The following HHAT variants were observed in gnomAD, a reference collection of about 807,000 sequenced individuals.
HHAT encodes the protein hedgehog acyltransferase.
A neutral mutation model predicts 70.8 loss-of-function variants in HHAT; 47 were observed. That is an observed-to-expected ratio of 0.66 (90% CI 0.53 to 0.85). The LOEUF (loss-of-function observed/expected upper bound fraction) is 0.85. Among genes scored for constraint, HHAT ranks in the 40% least tolerant of loss-of-function variants. The probability of loss-of-function intolerance (pLI) is 0.00; values close to 1 mark genes in which losing one functional copy is unlikely to be tolerated. For missense variants in HHAT, 609 were observed against 604.8 expected, an observed-to-expected ratio of 1.01 and a Z score of -0.07; for synonymous variants, 228 against 247.6, an observed-to-expected ratio of 0.92 and a Z score of 0.74.
rs2148992693 is a variant in HHAT, at chr1:210,674,406, T to C, written c.*27T>C. 2.5e-6 allele frequency: 4 copies of C among 1,578,424 alleles called. No homozygotes were observed. The highest frequency in any genetic ancestry group is 2.6e-6 in the Non-Finnish European group (3 of 1,147,920). ...GCTGTTGGGCCCAGGCCAGTCCTTG[T>C]TGCTGGCCTCCAAGGCAAATAGTGC... On this transcript the variant is annotated 3_prime_UTR_variant, in exon 12 of 12. Coordinates refer to ENST00000261458, the MANE Select transcript of HHAT (RefSeq NM_018194.6).
chr1:210,555,651 T>C (rs1189196226), intron 9 of HHAT, among the ~76,000 whole-genome samples: 1 of 152,232 alleles, frequency 6.6e-6, no homozygotes, highest in Admixed American at 6.5e-5. Flanking sequence ...CCCTCATAAC[T>C]GTTAGATAAC....
At chr1:210,450,998 A>G (rs2093743808) in intron 7 of HHAT, among the ~76,000 whole-genome samples, 1 of 151,304 alleles carries the variant, frequency 6.6e-6, no homozygotes, top group Non-Finnish European at 1.5e-5. Flanking sequence ...GAGGCAGGAG[A>G]ATGGTGTGAA....
intron 9 of HHAT, among the ~76,000 whole-genome samples, chr1:210,534,833 C>A (rs1378348194): frequency 6.6e-6 from 1 of 152,096 alleles, no homozygotes; most frequent in Non-Finnish European, 1.5e-5. Flanking sequence ...AGAGAAAGGT[C>A]AAATATATAG....
intron 6 of HHAT, among the ~76,000 whole-genome samples, chr1:210,413,281 G>T (rs932475009): frequency 4.6e-5 from 7 of 152,118 alleles, no homozygotes; most frequent in African/African-American, 1.7e-4. Context: ...TAGTTTTCAT[G>T]ACTGAATTCT....
chr1:210,416,877 C>T lies in HHAT; in HGVS notation c.685-1277C>T, dbSNP rs770337673. Among the ~76,000 whole-genome samples the T allele has an allele frequency of 2.6e-5, 4 of 152,162 alleles. No individual in the cohort carries two copies. In the East Asian group the frequency reaches 7.7e-4, roughly 29 times the overall value. On this transcript the variant is annotated intron_variant, in intron 6 of 11. Coordinates refer to ENST00000261458, the MANE Select transcript of HHAT (RefSeq NM_018194.6). ...TGCCTAAGTACTTCACATACTTCAT[C>T]ATATTTAATCACCACAACAATGTTT...
chr1:210,444,580 T>C (rs1424095055), intron 7 of HHAT, among the ~76,000 whole-genome samples: 1 of 150,932 alleles, frequency 6.6e-6, no homozygotes, highest in Non-Finnish European at 1.5e-5. Context: ...CTTGGGAGAG[T>C]GTATGTGTCC....
chr1:210,404,480 CAG>C lies in HHAT; in HGVS notation c.487_488del (p.Glu163LysfsTer72). On this transcript the variant is annotated frameshift_variant, in exon 6 of 12. Coordinates refer to ENST00000261458, the MANE Select transcript of HHAT (RefSeq NM_018194.6). LOFTEE classifies it high-confidence loss of function. ...ATTTTGTAGAGAAGGTGGTACAAGA[CAG>C]AAAACGAGTACTACCTGCTGCAGTT... The C allele has an allele frequency of 6.2e-7, 1 of 1,611,992 alleles. No homozygotes were observed. The highest frequency in any genetic ancestry group is 8.5e-7 in the Non-Finnish European group (1 of 1,179,462).
intron 7 of HHAT, among the ~76,000 whole-genome samples, chr1:210,442,380 T>C (rs1332152294): frequency 1.4e-5 from 2 of 143,502 alleles, no homozygotes; most frequent in East Asian, 4.0e-4. Flanking sequence ...ATGGGATGGC[T>C]GGGTCAAATG....
chr1:210,635,919 T>C (rs544977564), intron 11 of HHAT, among the ~76,000 whole-genome samples: 1 of 140,868 alleles, frequency 7.1e-6, no homozygotes, highest in East Asian at 2.2e-4. Context: ...CTAAGTTCGT[T>C]CTGGAAGGGG....
intron 3 of HHAT, among the ~76,000 whole-genome samples, chr1:210,365,069 C>T (rs1000679562): frequency 1.3e-5 from 2 of 152,070 alleles, no homozygotes; most frequent in Admixed American, 6.5e-5. Context: ...GGTGAATATC[C>T]GGCAGAGGAA....
At chr1:210,373,943 A>C (rs1053106061) in intron 3 of HHAT, among the ~76,000 whole-genome samples, 8 of 152,206 alleles carry the variant, frequency 5.3e-5, no homozygotes, top group Non-Finnish European at 1.2e-4. Context: ...TCCAATGTTA[A>C]TGTTGCTAAT....
intron 8 of HHAT, 110 bp downstream of exon 8, chr1:210,464,765 GC>G: frequency 9.4e-7 from 1 of 1,062,662 alleles, no homozygotes; most frequent in Non-Finnish European, 1.4e-6. Context: ...TCTCACTCAA[GC>G]TGCATTTGGC....
At chr1:210,489,947 G>A (rs1476105473) in intron 8 of HHAT, among the ~76,000 whole-genome samples, 1 of 152,188 alleles carries the variant, frequency 6.6e-6, no homozygotes. Context: ...TTGTCTGTAG[G>A]AGGCATAGTC....
chr1:210,376,014 A>ATTTTTTTTTTT (rs57707354), intron 3 of HHAT, among the ~76,000 whole-genome samples: 25 of 108,880 alleles, frequency 2.3e-4, no homozygotes, highest in Non-Finnish European at 2.7e-4. Flanking sequence ...TGCACAGCTA[A>ATTTTTTTTTTT]TTTTTTTTTT....
At chr1:210,651,847 C>T (rs1429012778) in intron 11 of HHAT, among the ~76,000 whole-genome samples, 2 of 152,210 alleles carry the variant, frequency 1.3e-5, no homozygotes, top group Non-Finnish European at 2.9e-5. Flanking sequence ...CCCTGGTGGC[C>T]TCTAGGCCAG....
At chr1:210,456,012 G>A (rs1278042125) in intron 7 of HHAT, among the ~76,000 whole-genome samples, 1 of 152,150 alleles carries the variant, frequency 6.6e-6, no homozygotes, top group Non-Finnish European at 1.5e-5. Flanking sequence ...AGAGTGCAAA[G>A]CTCTGCCATA....
intron 2 of HHAT, among the ~76,000 whole-genome samples, chr1:210,350,588 T>C (rs1049313925): frequency 1.3e-5 from 2 of 152,242 alleles, no homozygotes; most frequent in Non-Finnish European, 2.9e-5. Context: ...TGCTGATATA[T>C]AGGAAAGCAA....
At chr1:210,509,023 T>G (rs2094909673) in intron 8 of HHAT, among the ~76,000 whole-genome samples, 1 of 152,216 alleles carries the variant, frequency 6.6e-6, no homozygotes, top group African/African-American at 2.4e-5. Flanking sequence ...AGCGTATGCT[T>G]CTAAGGACAC....
At position 210,443,344 on chromosome 1, in the gene HHAT, T is replaced by A. The variant is rs553791450; in HGVS notation, c.857-21161T>A. On this transcript the variant is annotated intron_variant, in intron 7 of 11. Transcript: ENST00000261458. ...GCGATGCGGGCTCTTTTTTGGTTCC[T>A]TATGAACTTTAAAGTAGTTTTTTCC... Among the ~76,000 whole-genome samples, 1,151 of 151,362 alleles carry A rather than the reference T, an allele frequency of 7.6e-3. 15 individuals carry two copies. Among genetic ancestry groups the A allele is most frequent in the African/African-American group, 0.025 (1,046 of 41,188 alleles).
Sources: gnomAD v4.1 joint callset for allele counts (sites outside exome capture counted in the v4.1 genomes callset) on GRCh38, gnomAD v4.1.1 for gene constraint, MANE v1.5 for transcripts, NCBI Gene and HGNC (gene_info 2026-07-23, HGNC 2026-07-21) for gene names.